CDH18: variants seen among roughly 807,000 people sequenced by gnomAD.
CDH18 encodes the protein cadherin-18.
Under a neutral mutation model 67.9 loss-of-function variants are expected in CDH18, and 31 were observed. The observed-to-expected ratio is 0.46, with a 90% confidence interval of 0.34 to 0.62. CDH18 has a LOEUF of 0.62. CDH18 is among the 20% of genes least tolerant of loss of function. CDH18 has a pLI of 0.01. For synonymous variants in CDH18, 362 were observed against 347.2 expected, an observed-to-expected ratio of 1.04 and a Z score of -0.48; for missense variants, 890 against 975.5, an observed-to-expected ratio of 0.91 and a Z score of 1.17.
chr5:20,266,444 C>T (rs889624168), intron 1 of CDH18, among the ~76,000 whole-genome samples: 6 of 152,112 alleles, frequency 3.9e-5, no homozygotes, highest in East Asian at 1.9e-4. Flanking sequence ...CACTCCATCG[C>T]CCAGGCTGGA....
intron 10 of CDH18, among the ~76,000 whole-genome samples, 172 bp from the exon 11 acceptor site, chr5:19,503,281 T>A (rs1743566814): frequency 6.6e-6 from 1 of 152,180 alleles, no homozygotes; most frequent in African/African-American, 2.4e-5. Flanking sequence ...GTATCCTGCA[T>A]TAGATTTTAG....
At chr5:20,215,847 C>T (rs897267273) in intron 2 of CDH18, among the ~76,000 whole-genome samples, 1 of 151,832 alleles carries the variant, frequency 6.6e-6, no homozygotes, top group Admixed American at 6.6e-5. Flanking sequence ...AGCTGGAGGC[C>T]GTTATCCTTA....
intron 10 of CDH18, among the ~76,000 whole-genome samples, chr5:19,506,171 G>A (rs527334971): frequency 6.6e-6 from 1 of 152,134 alleles, no homozygotes; most frequent in South Asian, 2.1e-4. Flanking sequence ...GCTTCAAAGA[G>A]AATAAAATAC....
At chr5:20,242,761 A>G (rs904725828) in intron 2 of CDH18, among the ~76,000 whole-genome samples, 1 of 150,920 alleles carries the variant, frequency 6.6e-6, no homozygotes, top group Non-Finnish European at 1.5e-5. Flanking sequence ...TTAATTAGAA[A>G]AATCCACTGA....
intron 11 of CDH18, among the ~76,000 whole-genome samples, chr5:19,491,940 A>C (rs1741537526): frequency 6.6e-6 from 1 of 152,162 alleles, no homozygotes; most frequent in Non-Finnish European, 1.5e-5. Flanking sequence ...TGTCTTAGAA[A>C]TAATGTGTTA....
At chr5:20,092,079 A>AC (rs1745488417) in intron 2 of CDH18, among the ~76,000 whole-genome samples, 1 of 152,034 alleles carries the variant, frequency 6.6e-6, no homozygotes, top group Non-Finnish European at 1.5e-5. Flanking sequence ...AGGTAATTGC[A>AC]TTTTTTTTAC....
intron 1 of CDH18, among the ~76,000 whole-genome samples, chr5:20,549,727 T>C (rs941258709): frequency 6.6e-6 from 1 of 152,104 alleles, no homozygotes; most frequent in Non-Finnish European, 1.5e-5. Flanking sequence ...TAAACCGCTA[T>C]AGTAATTCAG....
intron 2 of CDH18, among the ~76,000 whole-genome samples, chr5:19,926,033 C>T (rs1793043668): frequency 6.6e-6 from 1 of 151,966 alleles, no homozygotes; most frequent in Non-Finnish European, 1.5e-5. Context: ...TTATTCATGA[C>T]ATATCAACTT....
chr5:20,117,681 C>A (rs143228777), intron 2 of CDH18, among the ~76,000 whole-genome samples: 1 of 152,264 alleles, frequency 6.6e-6, no homozygotes, highest in East Asian at 1.9e-4. Context: ...GAGAAGCGAA[C>A]AGAATTATAA....
intron 1 of CDH18, chr5:20,305,438 C>T: frequency 1.3e-6 from 2 of 1,523,136 alleles, no homozygotes; most frequent in Non-Finnish European, 1.8e-6. Context: ...TCCTTCTCGG[C>T]TTTTGGCCAT....
chr5:19,962,149 G>C (rs6891896), intron 2 of CDH18, among the ~76,000 whole-genome samples: 18,921 of 151,552 alleles, frequency 0.12, 3,428 homozygotes, highest in African/African-American at 0.4. Flanking sequence ...TTAACCTTGA[G>C]TGGGAAGTCT....
chr5:20,145,739 T>G (rs1010283510), intron 2 of CDH18, among the ~76,000 whole-genome samples: 1 of 152,184 alleles, frequency 6.6e-6, no homozygotes, highest in Non-Finnish European at 1.5e-5. Flanking sequence ...ATTTTTTATG[T>G]TGACCACTCA....
At chr5:20,060,395 C>T (rs796304489) in intron 2 of CDH18, among the ~76,000 whole-genome samples, 12 of 151,892 alleles carry the variant, frequency 7.9e-5, no homozygotes, top group African/African-American at 2.9e-4. Context: ...AGCCAGGAGG[C>T]AGAGGTTGCA....
At chr5:20,252,132 TCA>T (rs757459969) in intron 2 of CDH18, among the ~76,000 whole-genome samples, 1 of 152,076 alleles carries the variant, frequency 6.6e-6, no homozygotes, top group Non-Finnish European at 1.5e-5. Flanking sequence ...AGCGGGTGGA[TCA>T]CGAGGTCAAG....
intron 5 of CDH18, among the ~76,000 whole-genome samples, chr5:19,685,196 T>C (rs889645614): frequency 1.3e-5 from 2 of 152,168 alleles, no homozygotes; most frequent in African/African-American, 2.4e-5. Flanking sequence ...AATATCTCTA[T>C]GAATTACAAT....
chr5:19,715,545 T>A (rs530324873), intron 5 of CDH18, among the ~76,000 whole-genome samples: 4 of 152,158 alleles, frequency 2.6e-5, no homozygotes, highest in Non-Finnish European at 5.9e-5. Flanking sequence ...TGTCTAACTT[T>A]TATCTCCTTA....
chr5:20,208,189 G>C (rs953203063), intron 2 of CDH18, among the ~76,000 whole-genome samples: 8 of 152,092 alleles, frequency 5.3e-5, no homozygotes, highest in African/African-American at 1.9e-4. Flanking sequence ...GGTGAAACAG[G>C]CATGTCTTAC....
At chr5:19,756,454 A>G (rs1417439680) in intron 3 of CDH18, among the ~76,000 whole-genome samples, 1 of 152,188 alleles carries the variant, frequency 6.6e-6, no homozygotes, top group Non-Finnish European at 1.5e-5. Flanking sequence ...TTCCTGGTGG[A>G]GTGACCCAAA....
At chr5:20,122,263 G>A (rs1380146944) in intron 2 of CDH18, among the ~76,000 whole-genome samples, 1 of 152,156 alleles carries the variant, frequency 6.6e-6, no homozygotes, top group African/African-American at 2.4e-5. Flanking sequence ...CATGTCATTA[G>A]ATGTAAGCCT....
Sources: gnomAD v4.1 joint callset for allele counts (sites outside exome capture counted in the v4.1 genomes callset) on GRCh38, gnomAD v4.1.1 for gene constraint, MANE v1.5 for transcripts, NCBI Gene and HGNC (gene_info 2026-07-23, HGNC 2026-07-21) for gene names.